Variants in NCALD observed in about 807,000 individuals in gnomAD.
NCALD encodes the protein neurocalcin-delta.
A neutral mutation model predicts 18.6 loss-of-function variants in NCALD; 10 were observed. That is an observed-to-expected ratio of 0.54 (90% CI 0.33 to 0.91). The LOEUF (loss-of-function observed/expected upper bound fraction) is 0.91. Among genes scored for constraint, NCALD ranks in the 40% least tolerant of loss-of-function variants. The pLI, the probability that NCALD is intolerant of heterozygous loss-of-function variation, is 0.03. For missense variants in NCALD, 184 were observed against 247.6 expected, an observed-to-expected ratio of 0.74 and a Z score of 1.72; for synonymous variants, 88 against 87.4, an observed-to-expected ratio of 1.01 and a Z score of -0.04.
intron 4 of NCALD, among the ~76,000 whole-genome samples, chr8:101,821,639 T>G (rs1339277856): frequency 6.6e-6 from 1 of 152,112 alleles, no homozygotes; most frequent in Admixed American, 6.5e-5. Context: ...CATGACACTA[T>G]GGAAGTCATC....
intron 1 of NCALD, among the ~76,000 whole-genome samples, chr8:102,115,894 A>G (rs77953367): frequency 0.076 from 11,501 of 152,246 alleles, 534 homozygotes; most frequent in Non-Finnish European, 0.093. Flanking sequence ...CCAGCAAAGC[A>G]AAGCCCAGAA....
chr8:101,827,109 A>G (rs993651528), intron 4 of NCALD, among the ~76,000 whole-genome samples: 2 of 152,230 alleles, frequency 1.3e-5, no homozygotes, highest in Non-Finnish European at 2.9e-5. Context: ...TCCCTCCAAA[A>G]ACTCCAGGGT....
intron 1 of NCALD, among the ~76,000 whole-genome samples, chr8:102,051,642 C>G (rs1467091933): frequency 6.6e-6 from 1 of 152,194 alleles, no homozygotes; most frequent in Non-Finnish European, 1.5e-5. Flanking sequence ...ATACATTCTG[C>G]TAATTCAACT....
At chr8:102,065,260 T>A (rs1823972188) in intron 1 of NCALD, among the ~76,000 whole-genome samples, 1 of 151,828 alleles carries the variant, frequency 6.6e-6, no homozygotes, top group African/African-American at 2.4e-5. Flanking sequence ...AAGGCTCTTT[T>A]TTTTTTCATA....
chr8:101,833,003 A>T (rs1814250117), intron 4 of NCALD, among the ~76,000 whole-genome samples: 1 of 152,228 alleles, frequency 6.6e-6, no homozygotes, highest in African/African-American at 2.4e-5. Context: ...TTGAAAATGG[A>T]TATCATGAAG....
intron 1 of NCALD, among the ~76,000 whole-genome samples, chr8:101,765,157 C>T (rs769643627): frequency 2.1e-4 from 32 of 152,300 alleles, no homozygotes; most frequent in African/African-American, 3.8e-4. Flanking sequence ...CTTCTATACA[C>T]GGCACTCCAG....
chr8:101,830,380 G>T (rs1459512966), intron 4 of NCALD, among the ~76,000 whole-genome samples: 1 of 152,104 alleles, frequency 6.6e-6, no homozygotes, highest in Non-Finnish European at 1.5e-5. Flanking sequence ...GGCCAACATA[G>T]TGAAACCCCG....
At position 101,909,806 on chromosome 8, in the gene NCALD, G is replaced by A. The variant is rs769622714; in HGVS notation, c.-107+6003C>T. ...TCTCCATGGGCATGTTTAATGTAAC[G>A]CCCCTTAAGGTTATTTACACCTTAA... On this transcript the variant is annotated intron_variant, in intron 3 of 6. Coordinates refer to the NCALD transcript ENST00000311028. Among the ~76,000 whole-genome samples the A allele has an allele frequency of 5.0e-4, 76 of 150,610 alleles. 1 individual carries two copies. Among genetic ancestry groups the A allele is most frequent in the Admixed American group, 3.5e-3 (53 of 15,152 alleles).
At chr8:101,808,030 T>A (rs1485236118) in intron 4 of NCALD, among the ~76,000 whole-genome samples, 2 of 152,056 alleles carry the variant, frequency 1.3e-5, no homozygotes. Flanking sequence ...AAGTAATAAC[T>A]CCTTAGAAGA....
intron 4 of NCALD, among the ~76,000 whole-genome samples, chr8:101,844,359 CT>C (rs35559892): frequency 0.32 from 46,705 of 144,894 alleles, 8,368 homozygotes; most frequent in African/African-American, 0.5. Context: ...ACTCTAAATT[CT>C]TTTTTTTTTT....
In NCALD at chr8:101,916,398, T is replaced by C. The variant is rs75022458; in HGVS notation, c.-156-540A>G. Among the ~76,000 whole-genome samples, 6 of 152,226 alleles carry C rather than the reference T, an allele frequency of 3.9e-5. No homozygotes were observed. In the East Asian group the frequency reaches 1.2e-3, roughly 29 times the overall value. ...AGTTCTAAACATGGAAACAAAAGAA[T>C]GATACTTGCTACCACAAAAGCACTG... On this transcript the variant is annotated intron_variant, in intron 2 of 6. Coordinates refer to the NCALD transcript ENST00000311028.
intron 4 of NCALD, among the ~76,000 whole-genome samples, chr8:101,835,698 CTG>C (rs1243629679): frequency 2.6e-5 from 4 of 152,046 alleles, no homozygotes; most frequent in Non-Finnish European, 5.9e-5. Flanking sequence ...GTATACCTAG[CTG>C]TGTGTGTGAG....
At chr8:101,741,763 C>CA (rs68064092) in intron 1 of NCALD, among the ~76,000 whole-genome samples, 1,890 of 69,658 alleles carry the variant, frequency 0.027, 47 homozygotes, top group African/African-American at 0.057. Flanking sequence ...CTCATCTCTA[C>CA]AAAAAAAAAA....
chr8:101,765,299 G>A (rs954918905), intron 1 of NCALD, among the ~76,000 whole-genome samples: 1 of 152,136 alleles, frequency 6.6e-6, no homozygotes, highest in Admixed American at 6.5e-5. Context: ...GATCCAAGGA[G>A]CTTCATAAAT....
At chr8:101,823,485 A>G (rs560312334) in intron 4 of NCALD, among the ~76,000 whole-genome samples, 2 of 152,346 alleles carry the variant, frequency 1.3e-5, no homozygotes, top group South Asian at 4.1e-4. Context: ...GTAATTTCAC[A>G]GAGCTTTTTA....
upstream of NCALD, among the ~76,000 whole-genome samples, chr8:101,791,379 T>C (rs1375089891): frequency 1.3e-5 from 2 of 152,100 alleles, no homozygotes; most frequent in Non-Finnish European, 2.9e-5. Flanking sequence ...AACTGAAAAA[T>C]TCTGGAGTAG....
intron 2 of NCALD, among the ~76,000 whole-genome samples, chr8:101,917,164 C>A (rs1563894043): frequency 6.6e-6 from 1 of 151,802 alleles, no homozygotes; most frequent in East Asian, 1.9e-4. Flanking sequence ...GATTATAGTG[C>A]AATAAAAATA....
intron 3 of NCALD, among the ~76,000 whole-genome samples, chr8:101,901,345 G>A (rs965983004): frequency 4.0e-5 from 6 of 149,392 alleles, no homozygotes; most frequent in South Asian, 2.1e-4. Context: ...GTATATTTTC[G>A]CCACTTGTAG....
intron 4 of NCALD, among the ~76,000 whole-genome samples, chr8:101,855,966 C>T (rs1233426097): frequency 5.9e-5 from 9 of 152,164 alleles, no homozygotes; most frequent in African/African-American, 2.2e-4. Context: ...CTCATGAACA[C>T]TCATACATCT....
Sources: allele counts gnomAD v4.1 joint callset (sites outside exome capture counted in the v4.1 genomes callset), GRCh38; gene constraint gnomAD v4.1.1; transcripts MANE v1.5; gene names NCBI Gene and HGNC (gene_info 2026-07-23, HGNC 2026-07-21).